Variants in PACS2 observed in about 807,000 individuals in gnomAD.
PACS2 encodes the protein PACS1-like protein.
PACS2 carries 36 observed loss-of-function variants against 113.0 expected under a neutral mutation model. The observed-to-expected ratio is 0.32, with a 90% CI of 0.24 to 0.42. The LOEUF is 0.42. Among genes scored for constraint, PACS2 ranks in the 10% least tolerant of loss-of-function variants. The pLI is 1.00. For missense variants in PACS2, 1,015 were observed against 1,239.5 expected (o/e 0.82, Z 2.72); for synonymous variants, 589 against 536.1 (o/e 1.10, Z -1.36).
At chr14:105,307,550 G>A (rs2058225632) in intron 1 of PACS2, among the ~76,000 whole-genome samples, 1 of 152,044 alleles carries the variant, frequency 6.6e-6, no homozygotes, top group Non-Finnish European at 1.5e-5. Flanking sequence ...GGTTGTCTCT[G>A]TGTCTGTCAT....
Position 105,357,856 on chromosome 14 carries a change from C to T in PACS2, c.423+2679C>T. Among the ~76,000 whole-genome samples the T allele has an allele frequency of 6.6e-6, 1 of 152,054 alleles. No individual in the cohort carries two copies. The highest frequency in any genetic ancestry group is 1.5e-5 in the Non-Finnish European group (1 of 68,004). On this transcript the variant is annotated intron_variant, in intron 4 of 24. Coordinates refer to ENST00000447393, the MANE Select transcript of PACS2 (RefSeq NM_001100913.3). The surrounding 1 kb of genome is among the most constrained non-coding windows in gnomAD (Gnocchi z 5.1). ...GGGTGTCGGTGAGGCTGGCGCCATG[C>T]ATTTGAGAGTAGTGCTCGGCGGTGG...
At chr14:105,368,324 G>C (rs1283487843) in intron 6 of PACS2, 135 bp from the exon 7 acceptor site, 3 of 836,328 alleles carry the variant, frequency 3.6e-6, no homozygotes, top group Admixed American at 2.1e-5. Context: ...TTTATGCTCA[G>C]GTGGCTCTGA....
rs1346587256 is a variant in PACS2, at chr14:105,395,197, T to G, written c.*525T>G. On this transcript the variant is annotated 3_prime_UTR_variant, in exon 25 of 25. Coordinates refer to ENST00000447393, the MANE Select transcript of PACS2 (RefSeq NM_001100913.3). ...AATAAACTCCTGCCTGCGGCGGAGG[T>G]TTTATAGCAGCAGATATTTTTAATG... is the stretch of plus-strand genomic sequence containing the variant. 1 of 153,016 alleles carries G rather than the reference T, an allele frequency of 6.5e-6. No homozygotes were observed. The highest frequency in any genetic ancestry group is 1.5e-5 in the Non-Finnish European group (1 of 68,772). 9.5% of individuals were successfully genotyped at this position (153,016 alleles called of 1,614,324 possible). A position where few individuals can be genotyped will look rare whatever the true frequency, so the allele number is the denominator to read the frequency against.
intron 17 of PACS2, 27 bp from the exon 18 acceptor site, chr14:105,384,852 A>T: frequency 6.9e-7 from 1 of 1,439,652 alleles, no homozygotes; most frequent in Non-Finnish European, 9.6e-7. Context: ...CACCAGCCTA[A>T]CCCCCCACCG....
In PACS2 at chr14:105,314,930, AGGCCGCCTC is replaced by A; in HGVS notation, c.17_25del (p.Arg6_Gly8del). On this transcript the variant is annotated inframe_deletion, in exon 1 of 25. Transcript: ENST00000447393. ...GCGGGGCCGGCGCCATGGCCGAGCG[AGGCCGCCTC>A]GGCCTCCCCGGCGCGCCCGGCGCGC... The A allele has an allele frequency of 9.2e-7, 1 of 1,085,954 alleles. No individual in the cohort carries two copies. The highest frequency in any genetic ancestry group is 1.1e-6 in the Non-Finnish European group (1 of 884,666). 67.3% of individuals were successfully genotyped at this position (1,085,954 alleles called of 1,614,324 possible).
In PACS2 at chr14:105,395,909, C is replaced by G. The variant is rs1425188437; in HGVS notation, c.*1237C>G. ...GAGGAGCTGGGGAAGCTGGGGCCCTCCCAGGGGTCCTGATCGACCCTGGGG... is the reference window on the plus strand; with the variant it reads ...GAGGAGCTGGGGAAGCTGGGGCCCTGCCAGGGGTCCTGATCGACCCTGGGG... On this transcript the variant is annotated 3_prime_UTR_variant, in exon 25 of 25. Coordinates refer to ENST00000447393, the MANE Select transcript of PACS2 (RefSeq NM_001100913.3). 6.6e-6 allele frequency: 1 copy of G among 152,334 alleles called. No individual in the cohort carries two copies. Among genetic ancestry groups the G allele is most frequent in the African/African-American group, 2.4e-5 (1 of 41,456 alleles). The allele number at this position is 152,334 out of a possible 1,614,324, so 9.4% of individuals were successfully genotyped here. A position where few individuals can be genotyped will look rare whatever the true frequency, so the allele number is the denominator to read the frequency against.
In PACS2 at chr14:105,355,298, TGA is replaced by T; in HGVS notation, c.423+125_423+126del. On this transcript the variant is annotated intron_variant, in intron 4 of 24. Transcript: ENST00000447393. The surrounding 1 kb of genome is among the most constrained non-coding windows in gnomAD (Gnocchi z 4.1). ...ATGTCCAGGGATCAGGTGAAAATGA[TGA>T]GAGGAGCCTGGGCGGCCGGGCTCCG... 8.1e-6 allele frequency: 10 copies of T among 1,235,364 alleles called. No individual in the cohort carries two copies. The highest frequency in any genetic ancestry group is 5.7e-4 in the Middle Eastern group (2 of 3,534). 76.5% of individuals were successfully genotyped at this position (1,235,364 alleles called of 1,614,324 possible).
chr14:105,359,587 CT>C (rs1162190552), intron 4 of PACS2, among the ~76,000 whole-genome samples: 128 of 101,792 alleles, frequency 1.3e-3, no homozygotes, highest in African/African-American at 2.7e-3. Flanking sequence ...GTATTTCTTT[CT>C]TTTTTTTTTT....
intron 22 of PACS2, chr14:105,392,199 GT>G (rs147675128): frequency 0.016 from 5,169 of 320,446 alleles, 199 homozygotes; most frequent in African/African-American, 0.095. Flanking sequence ...GCCATGGGGG[GT>G]TGTGGGCCCT....
chr14:105,327,329 G>A (rs897018644), intron 1 of PACS2, among the ~76,000 whole-genome samples: 2 of 152,226 alleles, frequency 1.3e-5, no homozygotes, highest in Non-Finnish European at 2.9e-5. Context: ...GTCAGTGCCT[G>A]CCGCTACTGC....
intron 9 of PACS2, among the ~76,000 whole-genome samples, chr14:105,378,839 A>G (rs1356768949): frequency 1.3e-5 from 2 of 152,062 alleles, no homozygotes; most frequent in Admixed American, 1.3e-4. Flanking sequence ...TGGATCGGCC[A>G]GATGGTCTGC....
At chr14:105,309,776 CTTTTTTTTTTTTTT>C (rs928875653), upstream of PACS2, among the ~76,000 whole-genome samples, 4 of 89,212 alleles carry the variant, frequency 4.5e-5, no homozygotes, top group South Asian at 3.9e-4. This position sits in a 1 kb window ranked among gnomAD's most constrained non-coding sequence, Gnocchi z 4.0. Flanking sequence ...TGATGTGTGT[CTTTTTTTTTTTTTT>C]TTTTTTTTTT....
chr14:105,306,275 T>C (rs1313934624), intron 1 of PACS2, among the ~76,000 whole-genome samples: 1 of 151,286 alleles, frequency 6.6e-6, no homozygotes, highest in East Asian at 1.9e-4. Context: ...TCATGGTGTC[T>C]TTTGTTTTTG....
rs938727352 is a variant in PACS2 at position 105,355,441 on chromosome 14, T to A, written c.423+264T>A. Among the ~76,000 whole-genome samples, 3 of 152,228 alleles carry A rather than the reference T, an allele frequency of 2.0e-5. No homozygotes were observed. Among genetic ancestry groups the A allele is most frequent in the Non-Finnish European group, 4.4e-5 (3 of 68,038 alleles). ...GCACTCCCCTCTAACGAGCCTGTCC[T>A]GCCCTTCAGTGGAGGCTGGGTTTTG... On this transcript the variant is annotated intron_variant, in intron 4 of 24. Coordinates refer to ENST00000447393, the MANE Select transcript of PACS2 (RefSeq NM_001100913.3). The surrounding 1 kb of genome is among the most constrained non-coding windows in gnomAD (Gnocchi z 4.1).
At chr14:105,304,914 C>T (rs1369892438) in intron 1 of PACS2, among the ~76,000 whole-genome samples, 1 of 152,240 alleles carries the variant, frequency 6.6e-6, no homozygotes, top group Non-Finnish European at 1.5e-5. Context: ...TCCCTCCCAC[C>T]AGGTCCCTCC....
rs1329583872 is a variant in PACS2, at chr14:105,384,338, A to C, written c.1781-15A>C. ...AGTCCCCCGTGGTGACACCAGCCCC[A>C]CCCCTGGCATGCAGGCTCCCACCCC... On this transcript the variant is annotated splice_polypyrimidine_tract_variant and intron_variant, in intron 16 of 24. Transcript: ENST00000447393. 40 of 1,525,116 alleles carry C rather than the reference A, an allele frequency of 2.6e-5. No individual in the cohort carries two copies. The highest frequency in any genetic ancestry group is 3.6e-5 in the Non-Finnish European group (40 of 1,103,286). The allele number at this position is 1,525,116 out of a possible 1,614,324, so 94.5% of individuals were successfully genotyped here.
At chr14:105,351,526 C>T (rs2141022967) in intron 2 of PACS2, among the ~76,000 whole-genome samples, 1 of 152,236 alleles carries the variant, frequency 6.6e-6, no homozygotes, top group African/African-American at 2.4e-5. Context: ...ACCAGTCAGG[C>T]CTGATCATTC....
intron 4 of PACS2, among the ~76,000 whole-genome samples, chr14:105,362,842 C>T (rs587655024): frequency 6.6e-6 from 1 of 152,310 alleles, no homozygotes. Context: ...CAGAGCGAAA[C>T]TCCAACTCAA....
intron 4 of PACS2, among the ~76,000 whole-genome samples, chr14:105,362,576 C>T (rs781910880): frequency 3.4e-4 from 52 of 151,310 alleles, no homozygotes; most frequent in Non-Finnish European, 6.2e-4. Flanking sequence ...TGAGGCCAGG[C>T]GCAGTGGCTC....
Sources: allele counts gnomAD v4.1 joint callset (sites outside exome capture counted in the v4.1 genomes callset), GRCh38; gene constraint gnomAD v4.1.1; non-coding constraint Gnocchi (gnomAD v3.1); transcripts MANE v1.5; gene names NCBI Gene and HGNC (gene_info 2026-07-23, HGNC 2026-07-21).